Variants in TBX20 observed in about 807,000 individuals in gnomAD.
TBX20 encodes T-box transcription factor TBX20.
Under a neutral mutation model 42.9 loss-of-function variants are expected in TBX20, and 8 were observed. The ratio of observed to expected loss-of-function variants is 0.19; its 90% confidence interval spans 0.11 to 0.34. The LOEUF (loss-of-function observed/expected upper bound fraction) is 0.34. Among genes scored for constraint, TBX20 ranks in the 10% least tolerant of loss-of-function variants. TBX20 has a pLI of 1.00. For missense variants in TBX20, 411 were observed against 566.0 expected, an observed-to-expected ratio of 0.73 and a Z score of 2.78; for synonymous variants, 198 against 222.8, an observed-to-expected ratio of 0.89 and a Z score of 0.99.
At position 35,240,966 on chromosome 7, in the gene TBX20, T is replaced by C. The variant is rs761161413; in HGVS notation, c.726A>G (p.Ser242=). 4 of 1,613,700 alleles carry C rather than the reference T, an allele frequency of 2.5e-6. No homozygotes were observed. Among genetic ancestry groups the C allele is most frequent in the Non-Finnish European group, 3.4e-6 (4 of 1,179,716 alleles). ...HIIKKKDHTA[S]LLNLKSEEFR... ...ATTCTTCAGACTTCAGGTTGAGCAA[T>C]GAGGCTGTGTGGTCTTTCTTCTTAA... The change falls in exon 5 of 8, where the codon TCA becomes TCG. Residue 242 remains serine (S), a synonymous_variant. Transcript: ENST00000408931.
At chr7:35,227,090 AAAAAAAATTG>A (rs1319748201) in intron 6 of TBX20, among the ~76,000 whole-genome samples, 3 of 152,038 alleles carry the variant, frequency 2.0e-5, no homozygotes, top group South Asian at 2.1e-4. Flanking sequence ...GTAAAAAAAA[AAAAAAAATTG>A]AAAAAAATTG....
rs771888980 is a variant in TBX20 at position 35,253,516 on chromosome 7, C to T, written c.105G>A (p.Thr35=). 8.1e-6 allele frequency: 13 copies of T among 1,611,826 alleles called. No individual in the cohort carries two copies. In the Admixed American group the frequency reaches 1.0e-4, roughly 12 times the overall value. ...SSGGSKEKEA[T]ENTIKPLEQF... ...TACCCAGGGGTTTGATTGTGTTCTCCGTCGCCTCCTTCTCCTTAGAGCCGC... is the reference window on the plus strand; with the variant it reads ...TACCCAGGGGTTTGATTGTGTTCTCTGTCGCCTCCTTCTCCTTAGAGCCGC... Residue 35 remains threonine (T), a synonymous_variant, in exon 1 of 8, where the codon ACG becomes ACA. Transcript: ENST00000408931.
chr7:35,244,836 T>C (rs1297917680), intron 4 of TBX20, 113 bp downstream of exon 4: 21 of 751,356 alleles, frequency 2.8e-5, no homozygotes, highest in African/African-American at 1.9e-4. Context: ...GACTCAGAGA[T>C]AGAAGGTGGG....
chr7:35,204,560 G>C lies in TBX20; in HGVS notation c.913C>G (p.Gln305Glu). Residue 305 changes from glutamine to glutamate, a missense_variant, in exon 7 of 8, where the codon CAA becomes GAA. Gln to Glu is a conservative substitution (Grantham distance 29). Around this residue, in one of 5 missense-constraint regions of TBX20, gnomAD observed 162 missense variants for 205.4 expected, o/e 0.79. Transcript: ENST00000408931. ...IERESVESLI[Q>E]KHSYARSPIR... is the part of the protein sequence containing the mutation. ...GGTGAGCGTGCATAGGAATGCTTTTGAATCAGGCTCTCCACACTTTCCCTA... is the reference window on the plus strand; with the variant it reads ...GGTGAGCGTGCATAGGAATGCTTTTCAATCAGGCTCTCCACACTTTCCCTA... 6.2e-7 allele frequency: 1 copy of C among 1,613,788 alleles called. No individual in the cohort carries two copies. The highest frequency in any genetic ancestry group is 8.5e-7 in the Non-Finnish European group (1 of 1,179,794).
At chr7:35,248,466 C>T (rs1311503208) in intron 3 of TBX20, among the ~76,000 whole-genome samples, 2 of 152,166 alleles carry the variant, frequency 1.3e-5, no homozygotes, top group Non-Finnish European at 2.9e-5. Context: ...GAAACATAAA[C>T]TTAAAGACAG....
rs1789325302 is a variant in TBX20, at chr7:35,202,706, A to G, written c.1068T>C (p.Phe356=). Reference sequence around the variant, plus strand: ...GGGACTGTGGGTGCTGAAACCCAGGAAAACTGGAAGAAGATGATACCCAGG... The same window carrying G: ...GGGACTGTGGGTGCTGAAACCCAGGGAAACTGGAAGAAGATGATACCCAGG... The part of the protein sequence containing the change: ...LSSWVSSSSS[F]PGFQHPQSLT... Residue 356 remains phenylalanine (F), a synonymous_variant, in exon 8 of 8, where the codon TTT becomes TTC. Transcript: ENST00000408931. The G allele has an allele frequency of 1.9e-6, 3 of 1,602,370 alleles. No individual in the cohort carries two copies. The highest frequency in any genetic ancestry group is 2.7e-5 in the African/African-American group (2 of 74,628).
intron 5 of TBX20, among the ~76,000 whole-genome samples, chr7:35,233,085 C>G (rs909973559): frequency 5.3e-5 from 8 of 152,212 alleles, no homozygotes; most frequent in Non-Finnish European, 1.5e-5. Context: ...CAAAGTATAT[C>G]TATAGAACAC....
In TBX20 at chr7:35,244,996, A is replaced by C; in HGVS notation, c.607T>G (p.Phe203Val). 6.2e-7 allele frequency: 1 copy of C among 1,613,884 alleles called. No individual in the cohort carries two copies. Among genetic ancestry groups the C allele is most frequent in the Non-Finnish European group, 8.5e-7 (1 of 1,179,810 alleles). ...TTGTTGGTGAGTTTCACCTTTTCAA[A>C]AGACACCATCTGTTTGAGTAGTTGC... ...GEQLLKQMVS[F>V]EKVKLTNNEL... Residue 203 changes from phenylalanine to valine, a missense_variant, in exon 4 of 8, where the codon TTT becomes GTT. Transcript: ENST00000408931.
intron 6 of TBX20, among the ~76,000 whole-genome samples, chr7:35,218,660 T>C (rs112116721): frequency 6.6e-6 from 1 of 152,220 alleles, no homozygotes; most frequent in Non-Finnish European, 1.5e-5. Context: ...ATTATAATAT[T>C]ATAATATGTT....
intron 6 of TBX20, among the ~76,000 whole-genome samples, chr7:35,215,801 C>A (rs1789579546): frequency 6.6e-6 from 1 of 152,020 alleles, no homozygotes; most frequent in African/African-American, 2.4e-5. Flanking sequence ...ATGGGCAAAA[C>A]AGAGGATCAC....
chr7:35,211,935 T>C (rs1250733969), intron 6 of TBX20, among the ~76,000 whole-genome samples: 2 of 152,198 alleles, frequency 1.3e-5, no homozygotes, highest in Non-Finnish European at 2.9e-5. Context: ...GAGCTTGGGT[T>C]TGTTGGGCTT....
chr7:35,239,743 T>G (rs1790038021), intron 5 of TBX20, among the ~76,000 whole-genome samples: 1 of 150,750 alleles, frequency 6.6e-6, no homozygotes, highest in African/African-American at 2.4e-5. Flanking sequence ...TAATTTAAGT[T>G]TTTTTTTTTA....
At chr7:35,212,481 G>C (rs1252984771) in intron 6 of TBX20, among the ~76,000 whole-genome samples, 2 of 152,140 alleles carry the variant, frequency 1.3e-5, no homozygotes, top group Non-Finnish European at 2.9e-5. Flanking sequence ...TGTGAATTTT[G>C]TCAGGTGCTG....
chr7:35,253,625 C>T lies in TBX20; in HGVS notation c.-5G>A. The T allele has an allele frequency of 6.2e-7, 1 of 1,611,244 alleles. No homozygotes were observed. ...GGGGGACGCCGTGAACTCCATGGTC[C>T]CCAGCACGCGGTCCTGGCCAGGGAC... On this transcript the variant is annotated 5_prime_UTR_variant, in exon 1 of 8. Transcript: ENST00000408931.
intron 6 of TBX20, among the ~76,000 whole-genome samples, chr7:35,219,317 C>T (rs552219973): frequency 6.6e-6 from 1 of 152,344 alleles, no homozygotes; most frequent in Non-Finnish European, 1.5e-5. Context: ...ATACTCAACA[C>T]TGTCATTGTA....
At chr7:35,228,557 A>T (rs1043020766) in intron 6 of TBX20, among the ~76,000 whole-genome samples, 3 of 152,124 alleles carry the variant, frequency 2.0e-5, no homozygotes, top group South Asian at 4.1e-4. Flanking sequence ...AAAAATTAAT[A>T]AAAGAAACTT....
intron 7 of TBX20, among the ~76,000 whole-genome samples, chr7:35,203,064 C>T (rs547104487): frequency 4.2e-4 from 64 of 152,212 alleles, no homozygotes; most frequent in African/African-American, 1.5e-3. Flanking sequence ...CAGGTAATGA[C>T]CTGATTCTCT....
intron 5 of TBX20, among the ~76,000 whole-genome samples, chr7:35,232,259 A>G (rs1789880276): frequency 6.6e-6 from 1 of 152,192 alleles, no homozygotes; most frequent in Non-Finnish European, 1.5e-5. Flanking sequence ...CATTCTAATA[A>G]TAATCACAGT....
At chr7:35,243,770 A>C (rs1342091023) in intron 4 of TBX20, among the ~76,000 whole-genome samples, 3 of 152,322 alleles carry the variant, frequency 2.0e-5, no homozygotes, top group East Asian at 1.9e-4. Context: ...TCAATACACA[A>C]AAAAACAGAA....
Sources: allele counts gnomAD v4.1 joint callset (sites outside exome capture counted in the v4.1 genomes callset), GRCh38; gene constraint gnomAD v4.1.1; regional missense constraint gnomAD v4.1.1; transcripts MANE v1.5; gene names NCBI Gene and HGNC (gene_info 2026-07-23, HGNC 2026-07-21).